TAF7L: variants seen among roughly 807,000 people sequenced by gnomAD.
TAF7L encodes TATA-box binding protein associated factor 7 like.
TAF7L carries 6 observed loss-of-function variants against 30.2 expected under a neutral mutation model. That is an observed-to-expected ratio of 0.20 (90% CI 0.11 to 0.39). TAF7L has a LOEUF of 0.39. TAF7L is among the 10% of genes least tolerant of loss of function. The pLI is 1.00. For synonymous variants in TAF7L, 93 were observed against 94.5 expected (o/e 0.98, Z 0.09); for missense variants, 284 against 277.1 (o/e 1.03, Z -0.18).
At chrX:101,270,106 G>A (rs1923920364) in intron 12 of TAF7L, among the ~76,000 whole-genome samples, 2 of 111,778 alleles carry the variant, frequency 1.8e-5, no homozygotes, top group Non-Finnish European at 3.8e-5. Flanking sequence ...TCTACTTAAT[G>A]CTTTCTAAGT....
chrX:101,285,373 C>T (rs752595660), intron 3 of TAF7L, among the ~76,000 whole-genome samples: 20 of 108,466 alleles, frequency 1.8e-4, no homozygotes, highest in Non-Finnish European at 2.5e-4. Flanking sequence ...TGGCGCATGC[C>T]TGTAGTCCCA....
Position 101,276,077 on chromosome X carries a change from TCTC to T in TAF7L, c.946_948del (p.Glu316del). 2.5e-6 allele frequency: 3 copies of T among 1,205,038 alleles called. No homozygotes were observed. Among genetic ancestry groups the T allele is most frequent in the East Asian group, 3.0e-5 (1 of 33,817 alleles). On this transcript the variant is annotated inframe_deletion, in exon 11 of 13. Coordinates refer to ENST00000356784, the MANE Select transcript of TAF7L (RefSeq NM_001168474.2). ...TTATTCTGAATCTTATGGAGCTTTT[TCTC>T]CTTTTTCTCAATCTGCTTCTGAATT...
upstream of TAF7L, among the ~76,000 whole-genome samples, chrX:101,292,246 A>T (rs1200083618): frequency 3.0e-4 from 11 of 37,232 alleles, no homozygotes; most frequent in African/African-American, 3.0e-3. Context: ...CTCAAAAAAA[A>T]AAAAATAAAT....
At chrX:101,291,864 G>GAA (rs34120347), upstream of TAF7L, among the ~76,000 whole-genome samples, 118 of 91,132 alleles carry the variant, frequency 1.3e-3, no homozygotes, top group Middle Eastern at 6.6e-3. Context: ...GACTCTGTCC[G>GAA]AAAAAAAAAA....
At chrX:101,281,857 T>A in intron 5 of TAF7L, 82 bp from the exon 6 acceptor site, 3 of 912,928 alleles carry the variant, frequency 3.3e-6, no homozygotes, top group Non-Finnish European at 4.7e-6. Context: ...AAGATCATGC[T>A]ATAAACCAAA....
rs1468038481 is a variant in TAF7L at position 101,274,193 on chromosome X, G to A, written c.1086+1029C>T. Among the ~76,000 whole-genome samples the A allele has an allele frequency of 3.7e-5, 4 of 109,130 alleles. No homozygotes were observed. In the South Asian group the frequency reaches 1.6e-3, roughly 43 times the overall value. 94.8% of individuals were successfully genotyped at this position (109,130 alleles called of 115,157 possible). On this transcript the variant is annotated intron_variant, in intron 12 of 12. Transcript: ENST00000356784. ...ATGCAAAAGGTCTCCAAATAACATT[G>A]TTAGTTCAATGTCATTTCATTATAA...
intron 12 of TAF7L, among the ~76,000 whole-genome samples, chrX:101,270,915 A>C (rs1446608115): frequency 1.8e-5 from 2 of 111,665 alleles, no homozygotes; most frequent in African/African-American, 6.5e-5. Context: ...CCTCTGAGCC[A>C]GTGTGCATGC....
chrX:101,268,954 C>A lies in TAF7L; in HGVS notation c.*239G>T. ...ATTTCTAAATTAATAATAATAATTC[C>A]CAAATTGACAAAGAGAAAGTCTCAT... On this transcript the variant is annotated 3_prime_UTR_variant, in exon 13 of 13. Transcript: ENST00000356784. The A allele has an allele frequency of 3.5e-6, 1 of 289,151 alleles. No homozygotes were observed. The highest frequency in any genetic ancestry group is 1.5e-4 in the South Asian group (1 of 6,465). 23.8% of individuals were successfully genotyped at this position (289,151 alleles called of 1,213,427 possible). A position where few individuals can be genotyped will look rare whatever the true frequency, so the allele number is the denominator to read the frequency against.
intron 3 of TAF7L, among the ~76,000 whole-genome samples, chrX:101,285,194 T>A (rs1224078346): frequency 9.1e-6 from 1 of 110,259 alleles, no homozygotes; most frequent in East Asian, 2.9e-4. Context: ...CCATACCATT[T>A]AAAAAAAATA....
intron 6 of TAF7L, among the ~76,000 whole-genome samples, chrX:101,279,545 C>T (rs1199749814): frequency 1.8e-5 from 2 of 111,134 alleles, no homozygotes; most frequent in South Asian, 3.8e-4. Context: ...CGCTTGAACC[C>T]GGGAGGCAGA....
intron 11 of TAF7L, 98 bp downstream of exon 11, chrX:101,275,901 TG>T: frequency 1.7e-6 from 1 of 587,972 alleles, no homozygotes; most frequent in Non-Finnish European, 2.6e-6. Flanking sequence ...GGTTCATGAA[TG>T]AACAAGAACC....
chrX:101,292,193 C>T, upstream of TAF7L, among the ~76,000 whole-genome samples: 1 of 96,350 alleles, frequency 1.0e-5, no homozygotes, highest in South Asian at 5.1e-4. Flanking sequence ...GAGCCGAGAT[C>T]CCGCCACTGC....
At chrX:101,283,302 G>T in intron 4 of TAF7L, 148 bp downstream of exon 4, 1 of 646,767 alleles carries the variant, frequency 1.5e-6, no homozygotes, top group Non-Finnish European at 2.4e-6. Context: ...ACGAGAACAT[G>T]ACATTTCATT....
intron 12 of TAF7L, among the ~76,000 whole-genome samples, chrX:101,269,868 T>C (rs745571675): frequency 8.9e-6 from 1 of 112,189 alleles, no homozygotes; most frequent in East Asian, 2.8e-4. Flanking sequence ...TGTTAAGAAT[T>C]TGTGCTTCTG....
intron 12 of TAF7L, among the ~76,000 whole-genome samples, chrX:101,269,602 C>A (rs1459405119): frequency 9.0e-6 from 1 of 111,702 alleles, no homozygotes; most frequent in African/African-American, 3.3e-5. Flanking sequence ...CAAGTCATAT[C>A]TTACATGGAT....
At chrX:101,290,088 T>C (rs1363631073) in intron 1 of TAF7L, among the ~76,000 whole-genome samples, 2 of 109,466 alleles carry the variant, frequency 1.8e-5, no homozygotes, top group Admixed American at 9.8e-5. Context: ...TTACAGCTAG[T>C]TGGGAGGCTG....
Position 101,283,483 on chromosome X carries a change from T to C in TAF7L, c.246A>G (p.Lys82=). Residue 82 remains lysine (K), a synonymous_variant, in exon 4 of 13, where the codon AAA becomes AAG. Transcript: ENST00000356784. ...TGTCTGCTGTTTTATAAAAGGTTTTTTTATCAAGCGTTCTCAGGCTTTCAA... is the reference window on the plus strand; with the variant it reads ...TGTCTGCTGTTTTATAAAAGGTTTTCTTATCAAGCGTTCTCAGGCTTTCAA... ...CVIESLRTLD[K]KTFYKTADIS... 1.7e-6 allele frequency: 2 copies of C among 1,211,582 alleles called. No individual in the cohort carries two copies. The highest frequency in any genetic ancestry group is 2.2e-6 in the Non-Finnish European group (2 of 895,339).
rs1241147328 is a variant in TAF7L at position 101,275,271 on chromosome X, T to A, written c.1037A>T (p.Gln346Leu). The A allele has an allele frequency of 3.4e-6, 4 of 1,162,277 alleles. No homozygotes were observed. In the Admixed American group the frequency reaches 9.8e-5, roughly 29 times the overall value. The change falls in exon 12 of 13, where the codon CAG (glutamine) becomes CTG (leucine). Residue 346 changes from glutamine (Q) to leucine (L), a missense_variant. By Grantham distance (113) the Gln-to-Leu change is moderately radical. Transcript: ENST00000356784. ...VENLTLKNHFQSVLEQLELQE... is the reference protein window; with the variant it reads ...VENLTLKNHFLSVLEQLELQE... ...TAACTCAAGCTGCTCCAGCACAGAC[T>A]GAAAATGATTCTGAAAAATAAATTG... is the stretch of plus-strand genomic sequence containing the variant.
chrX:101,271,886 A>G, intron 12 of TAF7L, among the ~76,000 whole-genome samples: 1 of 111,783 alleles, frequency 8.9e-6, no homozygotes, highest in South Asian at 3.7e-4. Flanking sequence ...GGGTACTAAA[A>G]CAATCCTGGC....
Sources: allele counts gnomAD v4.1 joint callset (sites outside exome capture counted in the v4.1 genomes callset), GRCh38; gene constraint gnomAD v4.1.1; transcripts MANE v1.5; gene names NCBI Gene and HGNC (gene_info 2026-07-23, HGNC 2026-07-21).